Variants in PCDH9 observed in about 807,000 individuals in gnomAD.
PCDH9 encodes the protein protocadherin 9, also known as protocadherin-9.
In PCDH9, 24 loss-of-function variants were observed where a neutral mutation model predicts 70.6. The observed-to-expected ratio is 0.34, with a 90% CI of 0.25 to 0.48. The LOEUF (loss-of-function observed/expected upper bound fraction) is 0.48. PCDH9 is among the 20% of genes least tolerant of loss of function. The pLI is 0.99. For synonymous variants in PCDH9, 562 were observed against 558.5 expected (o/e 1.01, Z -0.09); for missense variants, 1,281 against 1,503.6 (o/e 0.85, Z 2.45).
chr13:66,846,635 C>T (rs765197570), intron 3 of PCDH9, among the ~76,000 whole-genome samples: 1 of 151,878 alleles, frequency 6.6e-6, no homozygotes, highest in Admixed American at 6.6e-5. Flanking sequence ...TCACTTCTTG[C>T]CAGAAATAAA....
chr13:66,980,271 A>T (rs929501769), intron 2 of PCDH9, among the ~76,000 whole-genome samples: 1 of 152,022 alleles, frequency 6.6e-6, no homozygotes, highest in Non-Finnish European at 1.5e-5. Context: ...ACCCCCATTC[A>T]ATCCATCCAG....
At chr13:66,998,341 C>G (rs751447842) in intron 2 of PCDH9, among the ~76,000 whole-genome samples, 7 of 152,214 alleles carry the variant, frequency 4.6e-5, no homozygotes, top group Non-Finnish European at 1.0e-4. Context: ...CCTTGGGAAA[C>G]TCCATAAATG....
chr13:66,536,208 G>T (rs556110644), intron 4 of PCDH9, among the ~76,000 whole-genome samples: 4 of 152,082 alleles, frequency 2.6e-5, no homozygotes, highest in African/African-American at 9.6e-5. Context: ...TGTTCTTTGG[G>T]TTTATAAGGC....
intron 3 of PCDH9, among the ~76,000 whole-genome samples, chr13:66,889,537 G>A (rs991208057): frequency 4.6e-5 from 7 of 152,104 alleles, no homozygotes; most frequent in African/African-American, 1.7e-4. Context: ...AAGTGGAGGA[G>A]AAACACTTAT....
At chr13:66,377,821 AC>A (rs1415946721) in intron 4 of PCDH9, among the ~76,000 whole-genome samples, 32 of 152,190 alleles carry the variant, frequency 2.1e-4, no homozygotes, top group Admixed American at 1.7e-3. Flanking sequence ...CTTGCTGTCA[AC>A]CCTGTGTTAT....
intron 3 of PCDH9, among the ~76,000 whole-genome samples, chr13:66,731,869 T>C (rs996212834): frequency 2.0e-5 from 3 of 152,062 alleles, no homozygotes; most frequent in African/African-American, 7.2e-5. Context: ...AAAATTGATA[T>C]ACTGTATCAT....
intron 2 of PCDH9, among the ~76,000 whole-genome samples, chr13:66,916,456 A>G (rs2082558814): frequency 6.6e-6 from 1 of 151,536 alleles, no homozygotes; most frequent in South Asian, 2.1e-4. Flanking sequence ...CATAAAACAC[A>G]CCTTTTATTT....
chr13:66,376,858 A>G (rs1956756524), intron 4 of PCDH9, among the ~76,000 whole-genome samples: 1 of 152,210 alleles, frequency 6.6e-6, no homozygotes, highest in Admixed American at 6.6e-5. Flanking sequence ...CTGTACATTT[A>G]CATGTTTAAA....
chr13:66,874,639 T>G (rs1395014762), intron 3 of PCDH9, among the ~76,000 whole-genome samples: 5 of 152,218 alleles, frequency 3.3e-5, no homozygotes, highest in African/African-American at 1.2e-4. Context: ...GTAAATGAGA[T>G]AAATGAGGAT....
At chr13:66,821,321 A>T (rs2080708174) in intron 3 of PCDH9, among the ~76,000 whole-genome samples, 1 of 152,188 alleles carries the variant, frequency 6.6e-6, no homozygotes. Flanking sequence ...ATCAGAAAGA[A>T]ATAGGCAACA....
Position 67,225,933 on chromosome 13 carries a change from C to A in PCDH9, c.2508G>T (p.Val836=). Residue 836 remains valine (V), a synonymous_variant, in exon 2 of 5, where the codon GTG becomes GTT. Coordinates refer to ENST00000377865, the MANE Select transcript of PCDH9 (RefSeq NM_203487.3). ...TGAACCTTGATGCATGGCGACAGCG[C>A]ACCAGAACGGTGACGAAGATCACAA... ...VIVVIFVTVL[V]RCRHASRFKA... is the part of the protein sequence containing the mutation. 1 of 1,614,112 alleles carries A rather than the reference C, an allele frequency of 6.2e-7. No homozygotes were observed. Among genetic ancestry groups the A allele is most frequent in the Non-Finnish European group, 8.5e-7 (1 of 1,180,030 alleles).
At chr13:66,436,480 G>T (rs1290903181) in intron 4 of PCDH9, among the ~76,000 whole-genome samples, 1 of 152,026 alleles carries the variant, frequency 6.6e-6, no homozygotes, top group Non-Finnish European at 1.5e-5. Flanking sequence ...CAAAATCTTT[G>T]TAGGGTTGGA....
intron 4 of PCDH9, among the ~76,000 whole-genome samples, chr13:66,508,671 A>C (rs981559006): frequency 2.0e-5 from 3 of 152,222 alleles, no homozygotes; most frequent in African/African-American, 7.2e-5. Context: ...CATAAAAAAA[A>C]ACAACACCAA....
chr13:66,578,504 G>A (rs900313836), intron 4 of PCDH9, among the ~76,000 whole-genome samples: 2 of 151,874 alleles, frequency 1.3e-5, no homozygotes, highest in Non-Finnish European at 2.9e-5. Context: ...TTGTTGAGTG[G>A]GTGTAGTTTG....
At chr13:66,480,089 A>G (rs914885923) in intron 4 of PCDH9, among the ~76,000 whole-genome samples, 7 of 152,224 alleles carry the variant, frequency 4.6e-5, no homozygotes, top group Non-Finnish European at 8.8e-5. Flanking sequence ...AGAACCCACC[A>G]GAAGGAACCA....
At chr13:66,651,165 G>GA (rs71106985) in intron 3 of PCDH9, among the ~76,000 whole-genome samples, 48 of 149,020 alleles carry the variant, frequency 3.2e-4, no homozygotes, top group African/African-American at 1.2e-3. Context: ...GTTAGTAGAA[G>GA]AAAAAAAATA....
chr13:66,853,711 C>A (rs1158719438), intron 3 of PCDH9, among the ~76,000 whole-genome samples: 2 of 151,838 alleles, frequency 1.3e-5, no homozygotes, highest in Non-Finnish European at 2.9e-5. Flanking sequence ...TACAAATAAA[C>A]CTTGGGATAA....
At chr13:66,648,047 C>T (rs184004871) in intron 3 of PCDH9, among the ~76,000 whole-genome samples, 3 of 152,308 alleles carry the variant, frequency 2.0e-5, no homozygotes, top group South Asian at 4.1e-4. Context: ...TAAAATAGTG[C>T]ACCAGAGAGA....
intron 3 of PCDH9, among the ~76,000 whole-genome samples, chr13:66,714,750 G>A (rs7321721): frequency 0.017 from 2,586 of 152,156 alleles, 85 homozygotes; most frequent in African/African-American, 0.059. Flanking sequence ...TTAAGGTAAG[G>A]AGTTGCTATC....
Sources: allele counts gnomAD v4.1 joint callset (sites outside exome capture counted in the v4.1 genomes callset), GRCh38; gene constraint gnomAD v4.1.1; transcripts MANE v1.5; gene names NCBI Gene and HGNC (gene_info 2026-07-23, HGNC 2026-07-21).